Variants in FNDC3A observed in about 807,000 individuals in gnomAD.
FNDC3A encodes the protein fibronectin type-III domain-containing protein 3A.
In FNDC3A, 32 loss-of-function variants were observed where a neutral mutation model predicts 148.9. The ratio of observed to expected loss-of-function variants is 0.21; its 90% CI spans 0.16 to 0.29. The LOEUF is 0.29. FNDC3A is among the 10% of genes least tolerant of loss of function. The pLI is 1.00. For missense variants in FNDC3A, 1,191 were observed against 1,452.8 expected (o/e 0.82, Z 2.93); for synonymous variants, 472 against 473.6 (o/e 1.00, Z 0.04).
intron 1 of FNDC3A, chr13:48,988,154 A>C (rs1016244391): frequency 2.0e-5 from 3 of 152,204 alleles, no homozygotes; most frequent in Non-Finnish European, 1.5e-5. Context: ...TTATAAAGCA[A>C]GTTTTTAGAG....
intron 8 of FNDC3A, among the ~76,000 whole-genome samples, chr13:49,148,303 GT>G (rs1293823189): frequency 6.6e-6 from 1 of 152,086 alleles, no homozygotes; most frequent in Non-Finnish European, 1.5e-5. Flanking sequence ...GTGTCCTGAA[GT>G]GTTTCTTCTA....
At chr13:49,083,954 A>T (rs1878643598) in intron 3 of FNDC3A, among the ~76,000 whole-genome samples, 1 of 152,122 alleles carries the variant, frequency 6.6e-6, no homozygotes, top group Non-Finnish European at 1.5e-5. Context: ...CTCTTTAGTT[A>T]CTTCTGGGAA....
At chr13:49,019,809 T>C (rs1873180529) in intron 2 of FNDC3A, among the ~76,000 whole-genome samples, 3 of 152,356 alleles carry the variant, frequency 2.0e-5, no homozygotes, top group African/African-American at 7.2e-5. Context: ...CCTAATATCC[T>C]GAGTTGGTAT....
intron 1 of FNDC3A, among the ~76,000 whole-genome samples, chr13:48,987,327 G>T (rs1434903983): frequency 6.6e-6 from 1 of 152,180 alleles, no homozygotes; most frequent in Non-Finnish European, 1.5e-5. Context: ...ATGGACTGGG[G>T]TTCGTTTCTT....
chr13:49,016,424 G>A (rs1309076837), intron 2 of FNDC3A, among the ~76,000 whole-genome samples: 1 of 152,146 alleles, frequency 6.6e-6, no homozygotes, highest in Non-Finnish European at 1.5e-5. Flanking sequence ...ATGGTAGTTT[G>A]TATTTCTGTG....
chr13:49,115,171 C>A (rs1338343375), intron 4 of FNDC3A, among the ~76,000 whole-genome samples: 3 of 135,990 alleles, frequency 2.2e-5, no homozygotes, highest in Non-Finnish European at 4.6e-5. Flanking sequence ...AGTTTAGCAA[C>A]CCTGAGGGAT....
chr13:49,134,744 C>G (rs1342183821), intron 5 of FNDC3A, among the ~76,000 whole-genome samples: 1 of 138,938 alleles, frequency 7.2e-6, no homozygotes, highest in African/African-American at 2.7e-5. Context: ...TTCCCTAATG[C>G]TACTAATGTT....
At chr13:49,183,292 C>T (rs1885397151) in intron 14 of FNDC3A, among the ~76,000 whole-genome samples, 1 of 152,196 alleles carries the variant, frequency 6.6e-6, no homozygotes, top group Non-Finnish European at 1.5e-5. Context: ...TCAAAGCCTT[C>T]CTAAACCATT....
intron 15 of FNDC3A, among the ~76,000 whole-genome samples, 156 bp from the exon 16 acceptor site, chr13:49,186,966 G>A (rs969398789): frequency 3.3e-5 from 5 of 151,794 alleles, no homozygotes; most frequent in African/African-American, 1.2e-4. Flanking sequence ...GTGAAAAGCA[G>A]ATGACAACAG....
At chr13:49,111,152 T>G (rs1880543303) in intron 3 of FNDC3A, among the ~76,000 whole-genome samples, 1 of 152,182 alleles carries the variant, frequency 6.6e-6, no homozygotes, top group Non-Finnish European at 1.5e-5. Context: ...CAAATTTAAG[T>G]CAGTTTGTAG....
chr13:49,000,800 A>G (rs1409653202), intron 1 of FNDC3A, among the ~76,000 whole-genome samples: 1 of 152,064 alleles, frequency 6.6e-6, no homozygotes, highest in Non-Finnish European at 1.5e-5. Flanking sequence ...GATTAGGTTT[A>G]TTCCTAAGTA....
Position 49,174,436 on chromosome 13 carries a change from G to C in FNDC3A, c.1232G>C (p.Gly411Ala), listed in dbSNP as rs1670934116. Residue 411 changes from glycine to alanine, a missense_variant and splice_region_variant, in exon 12 of 26, where the codon GGA becomes GCA. Transcript: ENST00000492622. ...ATAATAATCAGCCATTTCTTGTAGG[G>C]AAAAGGAAATGGAGAATTTTGTCAG... Reference protein sequence around the residue: ...IQNFVLEWDEGKGNGEFCQCY... With the variant: ...IQNFVLEWDEAKGNGEFCQCY... 3 of 1,609,330 alleles carry C rather than the reference G, an allele frequency of 1.9e-6. No individual in the cohort carries two copies. The highest frequency in any genetic ancestry group is 2.6e-6 in the Non-Finnish European group (3 of 1,176,108).
At chr13:49,009,952 G>A (rs1276599518) in intron 2 of FNDC3A, among the ~76,000 whole-genome samples, 1 of 152,094 alleles carries the variant, frequency 6.6e-6, no homozygotes, top group Non-Finnish European at 1.5e-5. Flanking sequence ...CGTCTCATTT[G>A]TACCCATGGG....
intron 2 of FNDC3A, among the ~76,000 whole-genome samples, chr13:49,062,811 CTG>C (rs1277781809): frequency 6.6e-6 from 1 of 152,178 alleles, no homozygotes; most frequent in African/African-American, 2.4e-5. Context: ...ATGCCTTGGA[CTG>C]TGATTTATTT....
chr13:49,198,152 T>A lies in FNDC3A; in HGVS notation c.2661T>A (p.Asp887Glu). The change falls in exon 22 of 26, where the codon GAT (aspartate) becomes GAA (glutamate). Residue 887 changes from aspartate to glutamate, a missense_variant. Physicochemically the swap from Asp to Glu is conservative, Grantham distance 45. This residue lies in a region of FNDC3A where 751 missense variants were observed against 944.0 expected (regional missense o/e 0.80). Coordinates refer to ENST00000492622, the MANE Select transcript of FNDC3A (RefSeq NM_001079673.2). Reference sequence around the variant, plus strand: ...CAATAAGCTGGGAAAAGCCTTGTGATCATGGTTCGGAAATCCTTGCCTACA... The same window carrying A: ...CAATAAGCTGGGAAAAGCCTTGTGAACATGGTTCGGAAATCCTTGCCTACA... The part of the protein sequence containing the change: ...CLAISWEKPC[D>E]HGSEILAYSI... 1 of 1,614,214 alleles carries A rather than the reference T, an allele frequency of 6.2e-7. No homozygotes were observed. Among genetic ancestry groups the A allele is most frequent in the Non-Finnish European group, 8.5e-7 (1 of 1,180,022 alleles).
Position 49,173,839 on chromosome 13 carries a change from C to G in FNDC3A, c.1231-596C>G, listed in dbSNP as rs375518154. Among the ~76,000 whole-genome samples the G allele has an allele frequency of 5.3e-3, 804 of 152,266 alleles. 6 individuals carry two copies. The highest frequency in any genetic ancestry group is 0.018 in the African/African-American group (763 of 41,556). On this transcript the variant is annotated intron_variant, in intron 11 of 25. Transcript: ENST00000492622. Reference sequence around the variant, plus strand: ...AAATGGGTGGCAAATGTGAAACTTACCCATTTTAGTTACCACTCTAAATTT... The same window carrying G: ...AAATGGGTGGCAAATGTGAAACTTAGCCATTTTAGTTACCACTCTAAATTT...
At chr13:49,159,803 T>C (rs1883972004) in intron 8 of FNDC3A, among the ~76,000 whole-genome samples, 1 of 152,310 alleles carries the variant, frequency 6.6e-6, no homozygotes, top group Non-Finnish European at 1.5e-5. Context: ...CAATACCTAG[T>C]TTATTCAGAG....
chr13:49,012,001 T>C (rs1952355923), intron 2 of FNDC3A, among the ~76,000 whole-genome samples: 1 of 152,176 alleles, frequency 6.6e-6, no homozygotes, highest in South Asian at 2.1e-4. Flanking sequence ...ATTTCAGCAC[T>C]GTTTATTGAA....
chr13:48,988,553 G>A (rs1951848081), intron 1 of FNDC3A, among the ~76,000 whole-genome samples: 1 of 152,290 alleles, frequency 6.6e-6, no homozygotes, highest in East Asian at 1.9e-4. Flanking sequence ...TTAAAAGCTT[G>A]TAGTATGGCC....
Sources: gnomAD v4.1 joint callset for allele counts (sites outside exome capture counted in the v4.1 genomes callset) on GRCh38, gnomAD v4.1.1 for gene constraint, gnomAD v4.1.1 regional missense constraint, MANE v1.5 for transcripts, NCBI Gene and HGNC (gene_info 2026-07-23, HGNC 2026-07-21) for gene names.